PDZD2: variants seen among roughly 807,000 people sequenced by gnomAD.
PDZD2 encodes the protein PDZ domain containing 2, also known as PDZ domain-containing protein 2.
In PDZD2, 90 loss-of-function variants were observed where a neutral mutation model predicts 220.7. That is an observed-to-expected ratio of 0.41 (90% confidence interval 0.34 to 0.49). The LOEUF (loss-of-function observed/expected upper bound fraction) is 0.49. Among genes scored for constraint, PDZD2 ranks in the 20% least tolerant of loss-of-function variants. PDZD2 has a pLI of 0.28. For missense variants in PDZD2, 3,174 were observed against 3,608.5 expected, an observed-to-expected ratio of 0.88 and a Z score of 3.08; for synonymous variants, 1,375 against 1,450.5, an observed-to-expected ratio of 0.95 and a Z score of 1.18.
chr5:32,078,592 A>G (rs566970988), intron 19 of PDZD2, among the ~76,000 whole-genome samples: 2 of 144,564 alleles, frequency 1.4e-5, no homozygotes, highest in Admixed American at 1.5e-4. Context: ...AGATCATGCC[A>G]TTGCACTCCA....
In PDZD2 at chr5:32,010,342, G is replaced by A. The variant is rs1268112515; in HGVS notation, c.1267G>A (p.Glu423Lys). 1 of 1,603,060 alleles carries A rather than the reference G, an allele frequency of 6.2e-7. No homozygotes were observed. The highest frequency in any genetic ancestry group is 1.3e-5 in the African/African-American group (1 of 74,706). Residue 423 changes from glutamate (E) to lysine (K), a missense_variant, in exon 6 of 25, where the codon GAG becomes AAG. By Grantham distance (56) the Glu-to-Lys change is moderately conservative. Around this residue, in one of 4 missense-constraint regions of PDZD2, gnomAD observed 632 missense variants for 708.1 expected, o/e 0.89. Transcript: ENST00000438447. The part of the protein sequence containing the change: ...LVVASKENSA[E>K]DLLRLTSKSL... Reference sequence around the variant, plus strand: ...TGTGTCCCCATAGGAAAACTCCGCAGAGGACCTCCTCAGGTTAACATCTAA... The same window carrying A: ...TGTGTCCCCATAGGAAAACTCCGCAAAGGACCTCCTCAGGTTAACATCTAA...
chr5:31,868,858 G>T (rs1456904394), intron 2 of PDZD2, among the ~76,000 whole-genome samples: 2 of 152,106 alleles, frequency 1.3e-5, no homozygotes, highest in African/African-American at 4.8e-5. Flanking sequence ...TGGAACCACC[G>T]CCTCCCGGGT....
At chr5:31,850,282 G>A (rs1016884664) in intron 2 of PDZD2, among the ~76,000 whole-genome samples, 5 of 135,898 alleles carry the variant, frequency 3.7e-5, no homozygotes, top group African/African-American at 1.4e-4. Flanking sequence ...TTATCATCTA[G>A]TTAATGTCCA....
intron 1 of PDZD2, among the ~76,000 whole-genome samples, chr5:31,736,268 C>A (rs181691378): frequency 6.6e-6 from 1 of 152,264 alleles, no homozygotes; most frequent in African/African-American, 2.4e-5. Flanking sequence ...TCACTGCTCG[C>A]GTTCTGCCTG....
chr5:31,732,024 T>C (rs1345997271), intron 1 of PDZD2, among the ~76,000 whole-genome samples: 1 of 152,202 alleles, frequency 6.6e-6, no homozygotes, highest in African/African-American at 2.4e-5. Flanking sequence ...TTAAAAATCA[T>C]GTAATCTGTC....
chr5:31,849,004 T>C (rs149974662), intron 2 of PDZD2, among the ~76,000 whole-genome samples: 6,452 of 149,174 alleles, frequency 0.043, 453 homozygotes, highest in African/African-American at 0.15. Context: ...AGCCGAGATC[T>C]TGCCACTGCA....
At chr5:31,758,370 A>T (rs1027851849) in intron 1 of PDZD2, among the ~76,000 whole-genome samples, 3 of 152,226 alleles carry the variant, frequency 2.0e-5, no homozygotes, top group African/African-American at 7.2e-5. Context: ...CTTACAGGCC[A>T]GGGAGGTGCC....
At chr5:31,872,914 C>T (rs1738956797) in intron 2 of PDZD2, among the ~76,000 whole-genome samples, 1 of 152,130 alleles carries the variant, frequency 6.6e-6, no homozygotes, top group Middle Eastern at 3.4e-3. Context: ...TTGATATTGG[C>T]GTTGCAGGAC....
At chr5:31,750,872 G>C (rs115679019) in intron 1 of PDZD2, among the ~76,000 whole-genome samples, 3 of 152,252 alleles carry the variant, frequency 2.0e-5, no homozygotes, top group African/African-American at 4.8e-5. Context: ...GTAATGTTAC[G>C]CAGCACTTTG....
At chr5:31,883,066 AAAG>A (rs529060240) in intron 2 of PDZD2, among the ~76,000 whole-genome samples, 1 of 150,728 alleles carries the variant, frequency 6.6e-6, no homozygotes, top group Non-Finnish European at 1.5e-5. Flanking sequence ...GGGGCATAAG[AAAG>A]AAGGACAGAT....
At chr5:32,069,963 C>T (rs1167146396) in intron 15 of PDZD2, among the ~76,000 whole-genome samples, 2 of 152,142 alleles carry the variant, frequency 1.3e-5, no homozygotes, top group African/African-American at 4.8e-5. Context: ...GGAAACGATA[C>T]CCAGAATTTC....
In PDZD2 at chr5:31,921,934, G is replaced by A. The variant is rs147556260; in HGVS notation, c.477-61221G>A. ...AGAAGTACTAGAAGTTCCACACTTT[G>A]GCTGTTGTTGTTACTACCAGAATTT... On this transcript the variant is annotated intron_variant, in intron 2 of 24. Transcript: ENST00000438447. 1.6e-3 allele frequency among the ~76,000 whole-genome samples: 240 copies of A among 152,246 alleles called. 1 individual carries two copies. Among genetic ancestry groups the A allele is most frequent in the African/African-American group, 5.6e-3 (233 of 41,540 alleles).
At chr5:31,963,103 T>C (rs1488298290) in intron 2 of PDZD2, among the ~76,000 whole-genome samples, 1 of 152,202 alleles carries the variant, frequency 6.6e-6, no homozygotes, top group Non-Finnish European at 1.5e-5. Flanking sequence ...TACCTGCTCA[T>C]ACCTCTGAAG....
intron 1 of PDZD2, among the ~76,000 whole-genome samples, chr5:31,671,228 A>T (rs1323465639): frequency 3.3e-5 from 5 of 152,242 alleles, no homozygotes; most frequent in African/African-American, 1.2e-4. Flanking sequence ...GGAATGGAGT[A>T]CAACCAAAAA....
chr5:31,975,952 C>T (rs1262376375), intron 2 of PDZD2, among the ~76,000 whole-genome samples: 1 of 151,736 alleles, frequency 6.6e-6, no homozygotes, highest in African/African-American at 2.4e-5. Flanking sequence ...TACAGGTGTG[C>T]ACCACCACAC....
chr5:31,707,364 G>T (rs59279761), intron 1 of PDZD2, among the ~76,000 whole-genome samples: 8,008 of 152,042 alleles, frequency 0.053, 271 homozygotes, highest in Middle Eastern at 0.12. Flanking sequence ...GGTGTCCTTA[G>T]AAGAAGAGGT....
chr5:32,095,607 G>C (rs73061721), intron 21 of PDZD2, among the ~76,000 whole-genome samples: 1 of 151,900 alleles, frequency 6.6e-6, no homozygotes, highest in Non-Finnish European at 1.5e-5. Context: ...AAAATTTGGC[G>C]CAATAGTCAG....
chr5:32,013,283 C>A (rs1233210249), intron 6 of PDZD2, among the ~76,000 whole-genome samples: 1 of 149,486 alleles, frequency 6.7e-6, no homozygotes, highest in East Asian at 1.9e-4. Flanking sequence ...AATGTAATTT[C>A]GTATAGAACA....
At chr5:31,850,192 ATGTATATATAAGTATATATG>A (rs1757947632) in intron 2 of PDZD2, among the ~76,000 whole-genome samples, 2 of 133,776 alleles carry the variant, frequency 1.5e-5, no homozygotes, top group Non-Finnish European at 3.1e-5. Context: ...ATAAGTATAT[ATGTATATATAAGTATATATG>A]TGTATATATA....
Sources: allele counts gnomAD v4.1 joint callset (sites outside exome capture counted in the v4.1 genomes callset), GRCh38; gene constraint gnomAD v4.1.1; regional missense constraint gnomAD v4.1.1; transcripts MANE v1.5; gene names NCBI Gene and HGNC (gene_info 2026-07-23, HGNC 2026-07-21).